MED21: variants seen among roughly 807,000 people sequenced by gnomAD.
MED21 encodes mediator of RNA polymerase II transcription subunit 21.
In MED21, 9 loss-of-function variants were observed where a neutral mutation model predicts 18.2. The ratio of observed to expected loss-of-function variants is 0.49; its 90% CI spans 0.30 to 0.86. MED21 has a LOEUF of 0.86. MED21 is among the 40% of genes least tolerant of loss of function. The pLI, the probability that MED21 is intolerant of heterozygous loss-of-function variation, is 0.07. For synonymous variants in MED21, 73 were observed against 60.5 expected, an observed-to-expected ratio of 1.21 and a Z score of -0.96; for missense variants, 150 against 170.9, an observed-to-expected ratio of 0.88 and a Z score of 0.68.
At position 27,029,644 on chromosome 12, in the gene MED21, CA is replaced by C. The variant is rs1246607024; in HGVS notation, c.*1184del. 1 of 985,256 alleles carries C rather than the reference CA, an allele frequency of 1.0e-6. No individual in the cohort carries two copies. Among genetic ancestry groups the C allele is most frequent in the Non-Finnish European group, 1.2e-6 (1 of 829,934 alleles). 61.0% of individuals were successfully genotyped at this position (985,256 alleles called of 1,614,324 possible). ...ACTATGTTTCAAATTTCAGGAACAC[CA>C]GCGTTAGCTGTAAAAGTTGCAGCAA... is the stretch of plus-strand genomic sequence containing the variant. On this transcript the variant is annotated 3_prime_UTR_variant, in exon 4 of 4. Coordinates refer to ENST00000282892, the MANE Select transcript of MED21 (RefSeq NM_004264.5).
At chr12:27,025,688 C>A (rs1941535054) in intron 1 of MED21, among the ~76,000 whole-genome samples, 1 of 152,076 alleles carries the variant, frequency 6.6e-6, no homozygotes, top group Admixed American at 6.5e-5. Flanking sequence ...CCTTTGAGTT[C>A]TGTCATTGAA....
chr12:27,027,400 GT>G lies in MED21; in HGVS notation c.215del (p.Leu72Ter). 6.2e-7 allele frequency: 1 copy of G among 1,613,808 alleles called. No individual in the cohort carries two copies. The highest frequency in any genetic ancestry group is 8.5e-7 in the Non-Finnish European group (1 of 1,179,862). The stretch of plus-strand genomic sequence containing the variant: ...TGCACGAACAGCAAAAGACATTGAT[GT>G]TTTGATAGATTCCTTACCCAGTGAA... ...LIARTAKDID[V>X]LIDSLPSEES... On this transcript the variant is annotated frameshift_variant, in exon 3 of 4. Coordinates refer to ENST00000282892, the MANE Select transcript of MED21 (RefSeq NM_004264.5). LOFTEE classifies it high-confidence loss of function.
chr12:27,028,525 G>C lies in MED21; in HGVS notation c.*64G>C, dbSNP rs775793333. 67 of 1,548,322 alleles carry C rather than the reference G, an allele frequency of 4.3e-5. No homozygotes were observed. Among genetic ancestry groups the C allele is most frequent in the Non-Finnish European group, 5.7e-5 (65 of 1,142,476 alleles). On this transcript the variant is annotated 3_prime_UTR_variant, in exon 4 of 4. Coordinates refer to ENST00000282892, the MANE Select transcript of MED21 (RefSeq NM_004264.5). ...GAGTGCCATTAAGAATTCTGCATCA[G>C]ACTTAGATACAAGCCTTACCAACAA...
chr12:27,026,953 G>T (rs1233218836), intron 2 of MED21, among the ~76,000 whole-genome samples: 1 of 151,844 alleles, frequency 6.6e-6, no homozygotes, highest in East Asian at 1.9e-4. Context: ...TTTTGAGACG[G>T]AGTCTCGCTC....
chr12:27,028,829 A>G lies in MED21; in HGVS notation c.*368A>G, dbSNP rs1444390705. On this transcript the variant is annotated 3_prime_UTR_variant, in exon 4 of 4. Coordinates refer to ENST00000282892, the MANE Select transcript of MED21 (RefSeq NM_004264.5). The stretch of plus-strand genomic sequence containing the variant: ...CAAAACATCTCTCAAGCCAAAGGAG[A>G]AGACAGTAAGAACAGACATAAGGGA... 4.0e-6 allele frequency: 4 copies of G among 993,882 alleles called. No individual in the cohort carries two copies. In the East Asian group the frequency reaches 3.2e-4, roughly 79 times the overall value. The allele number at this position is 993,882 out of a possible 1,614,324, so 61.6% of individuals were successfully genotyped here.
rs1941594481 is a variant in MED21 at position 27,029,839 on chromosome 12, A to T, written c.*1378A>T. 1.0e-6 allele frequency: 1 copy of T among 1,003,554 alleles called. No homozygotes were observed. Among genetic ancestry groups the T allele is most frequent in the African/African-American group, 1.7e-5 (1 of 58,158 alleles). 62.2% of individuals were successfully genotyped at this position (1,003,554 alleles called of 1,614,324 possible). A position where few individuals can be genotyped will look rare whatever the true frequency, so the allele number is the denominator to read the frequency against. On this transcript the variant is annotated 3_prime_UTR_variant, in exon 4 of 4. Transcript: ENST00000282892. ...CTTATTCAAAGTACCTAAGTATTATAAAGGAGTCAAAAAGGTACAAAGAGA... is the reference window on the plus strand; with the variant it reads ...CTTATTCAAAGTACCTAAGTATTATTAAGGAGTCAAAAAGGTACAAAGAGA...
rs1941603064 is a variant in MED21, at chr12:27,030,306, T to C, written c.*1845T>C. ...TACCACGTCCAGCTAATTTTTTTTTTCTTTTTTTTTTAGAGATGGGGTCTC... is the reference window on the plus strand; with the variant it reads ...TACCACGTCCAGCTAATTTTTTTTTCCTTTTTTTTTTAGAGATGGGGTCTC... On this transcript the variant is annotated 3_prime_UTR_variant, in exon 4 of 4. Coordinates refer to ENST00000282892, the MANE Select transcript of MED21 (RefSeq NM_004264.5). 9 of 490,576 alleles carry C rather than the reference T, an allele frequency of 1.8e-5. No homozygotes were observed. The highest frequency in any genetic ancestry group is 3.5e-5 in the Admixed American group (1 of 28,870). 30.4% of individuals were successfully genotyped at this position (490,576 alleles called of 1,614,324 possible). A position where few individuals can be genotyped will look rare whatever the true frequency, so the allele number is the denominator to read the frequency against.
rs1187322414 is a variant in MED21 at position 27,028,567 on chromosome 12, C to T, written c.*106C>T. The T allele has an allele frequency of 1.4e-6, 2 of 1,424,068 alleles. No individual in the cohort carries two copies. The highest frequency in any genetic ancestry group is 1.8e-6 in the Non-Finnish European group (2 of 1,084,518). The allele number at this position is 1,424,068 out of a possible 1,614,324, so 88.2% of individuals were successfully genotyped here. ...TACCAACAATTACAGAAACATTAAA[C>T]ACTATGACACATTACCTTTTTAGCT... On this transcript the variant is annotated 3_prime_UTR_variant, in exon 4 of 4. Coordinates refer to ENST00000282892, the MANE Select transcript of MED21 (RefSeq NM_004264.5).
chr12:27,034,522 T>C (rs1941637996), downstream of MED21, among the ~76,000 whole-genome samples: 1 of 152,198 alleles, frequency 6.6e-6, no homozygotes, highest in Non-Finnish European at 1.5e-5. Context: ...TCACAGTTCA[T>C]TGCAGTGTTG....
At chr12:27,024,789 T>G (rs1222317385) in intron 1 of MED21, among the ~76,000 whole-genome samples, 1 of 152,168 alleles carries the variant, frequency 6.6e-6, no homozygotes, top group African/African-American at 2.4e-5. Flanking sequence ...TGTCAAATAC[T>G]CAGGAGACAT....
chr12:27,035,689 T>C (rs530947756), downstream of MED21, among the ~76,000 whole-genome samples: 2 of 149,796 alleles, frequency 1.3e-5, no homozygotes, highest in Admixed American at 6.7e-5. Context: ...ACATGCGGTG[T>C]TTGGTTTTTT....
Position 27,028,785 on chromosome 12 carries a change from G to C in MED21, c.*324G>C. The C allele has an allele frequency of 2.0e-6, 2 of 1,010,620 alleles. No homozygotes were observed. Among genetic ancestry groups the C allele is most frequent in the Non-Finnish European group, 2.4e-6 (2 of 844,810 alleles). 62.6% of individuals were successfully genotyped at this position (1,010,620 alleles called of 1,614,324 possible). A position where few individuals can be genotyped will look rare whatever the true frequency, so the allele number is the denominator to read the frequency against. ...ATTTATGTCTCCATTTTGTTGTATT[G>C]GCCAGTACTTTTACAAATCAAAACA... On this transcript the variant is annotated 3_prime_UTR_variant, in exon 4 of 4. Coordinates refer to ENST00000282892, the MANE Select transcript of MED21 (RefSeq NM_004264.5).
At chr12:27,022,982 G>T in intron 1 of MED21, 1 of 989,258 alleles carries the variant, frequency 1.0e-6, no homozygotes, top group Non-Finnish European at 1.3e-6. Context: ...GGGTTGGGAG[G>T]AGAAGCAGGA....
rs1412730357 is a variant in MED21 at position 27,027,492 on chromosome 12, T to C, written c.258+45T>C. On this transcript the variant is annotated intron_variant, in intron 3 of 3. Coordinates refer to ENST00000282892, the MANE Select transcript of MED21 (RefSeq NM_004264.5). ...AGAATTTTACCAGTAATAGAGAATT[T>C]TGAATTAAAGGAGGTAGATTTAGTA... 3 of 1,451,250 alleles carry C rather than the reference T, an allele frequency of 2.1e-6. No individual in the cohort carries two copies. The East Asian group carries it at 6.8e-5, about 33-fold the overall frequency. The allele number at this position is 1,451,250 out of a possible 1,614,324, so 89.9% of individuals were successfully genotyped here. A position where few individuals can be genotyped will look rare whatever the true frequency, so the allele number is the denominator to read the frequency against.
chr12:27,028,976 G>A lies in MED21; in HGVS notation c.*515G>A. On this transcript the variant is annotated 3_prime_UTR_variant, in exon 4 of 4. Transcript: ENST00000282892. ...AAATAGAGTTAGTGTGGCTGGATAAGAAAGTCACATTTATGCAAATGTTTC... is the reference window on the plus strand; with the variant it reads ...AAATAGAGTTAGTGTGGCTGGATAAAAAAGTCACATTTATGCAAATGTTTC... 1.5e-5 allele frequency: 15 copies of A among 985,494 alleles called. No homozygotes were observed. Among genetic ancestry groups the A allele is most frequent in the Non-Finnish European group, 1.8e-5 (15 of 829,968 alleles). 61.0% of individuals were successfully genotyped at this position (985,494 alleles called of 1,614,324 possible).
intron 1 of MED21, among the ~76,000 whole-genome samples, chr12:27,026,153 G>T (rs1236719370): frequency 1.3e-5 from 2 of 152,142 alleles, no homozygotes; most frequent in African/African-American, 4.8e-5. Flanking sequence ...AGAAAAGAAA[G>T]ATTATTTTGT....
At position 27,022,994 on chromosome 12, in the gene MED21, C is replaced by G; in HGVS notation, c.42+373C>G. 1.0e-5 allele frequency: 9 copies of G among 898,924 alleles called. No individual in the cohort carries two copies. In the South Asian group the frequency reaches 1.6e-4, roughly 16 times the overall value. 55.7% of individuals were successfully genotyped at this position (898,924 alleles called of 1,614,324 possible). Reference sequence around the variant, plus strand: ...TGGGGGTTGGGAGGAGAAGCAGGAGCTTTTTTCTTTCCTCATCAATTTTAA... The same window carrying G: ...TGGGGGTTGGGAGGAGAAGCAGGAGGTTTTTTCTTTCCTCATCAATTTTAA... On this transcript the variant is annotated intron_variant, in intron 1 of 3. Transcript: ENST00000282892.
intron 1 of MED21, among the ~76,000 whole-genome samples, chr12:27,024,024 G>C (rs1160422726): frequency 3.3e-5 from 5 of 152,178 alleles, no homozygotes; most frequent in African/African-American, 1.2e-4. Flanking sequence ...GTACTGCTAC[G>C]ATGTCACTAG....
chr12:27,032,385 G>T (rs1183549480), downstream of MED21, among the ~76,000 whole-genome samples: 2 of 152,162 alleles, frequency 1.3e-5, no homozygotes, highest in Non-Finnish European at 2.9e-5. Flanking sequence ...TGTGATCATG[G>T]CTTCTACTTC....
Sources: allele counts gnomAD v4.1 joint callset (sites outside exome capture counted in the v4.1 genomes callset), GRCh38; gene constraint gnomAD v4.1.1; transcripts MANE v1.5; gene names NCBI Gene and HGNC (gene_info 2026-07-23, HGNC 2026-07-21).